CAST: variants seen among roughly 807,000 people sequenced by gnomAD.
CAST encodes the protein MIR583 host.
In CAST, 76 loss-of-function variants were observed where a neutral mutation model predicts 119.6. That is an observed-to-expected ratio of 0.64 (90% CI 0.53 to 0.77). The LOEUF (loss-of-function observed/expected upper bound fraction) is 0.77, where lower values mean the gene tolerates loss of function less well. CAST is among the 30% of genes least tolerant of loss of function. The pLI, the probability that CAST is intolerant of heterozygous loss-of-function variation, is 0.00. For synonymous variants in CAST, 319 were observed against 331.6 expected (o/e 0.96, Z 0.41); for missense variants, 953 against 946.5 (o/e 1.01, Z -0.09).
chr5:96,295,377 A>G, the CAST span, among the ~76,000 whole-genome samples: 4 of 152,328 alleles, frequency 2.6e-5, no homozygotes, highest in South Asian at 6.2e-4. Flanking sequence ...CTTTGAACCA[A>G]TGAAATCACT....
At chr5:96,005,642 A>G in the CAST span, among the ~76,000 whole-genome samples, 1 of 152,192 alleles carries the variant, frequency 6.6e-6, no homozygotes, top group African/African-American at 2.4e-5. Context: ...TACGTTGATT[A>G]AAAGTAAAAA....
chr5:96,034,186 A>T, the CAST span, among the ~76,000 whole-genome samples: 1 of 152,118 alleles, frequency 6.6e-6, no homozygotes, highest in African/African-American at 2.4e-5. Context: ...CAAATGACCA[A>T]CAGGTATATG....
At chr5:96,367,731 C>T in the CAST span, among the ~76,000 whole-genome samples, 7 of 152,040 alleles carry the variant, frequency 4.6e-5, no homozygotes, top group Non-Finnish European at 8.8e-5. Flanking sequence ...TCACAGCTTC[C>T]CTTGGCTAGG....
chr5:96,706,906 AC>A (rs1443363451), intron 3 of CAST, among the ~76,000 whole-genome samples: 1 of 152,136 alleles, frequency 6.6e-6, no homozygotes, highest in African/African-American at 2.4e-5. Context: ...CTGGGGCTCT[AC>A]GCAGTTTAAC....
At chr5:96,142,448 T>C in the CAST span, among the ~76,000 whole-genome samples, 1 of 152,162 alleles carries the variant, frequency 6.6e-6, no homozygotes, top group African/African-American at 2.4e-5. Flanking sequence ...TTTTAATTGT[T>C]TACATCGACT....
chr5:96,447,958 G>T, the CAST span, among the ~76,000 whole-genome samples: 1 of 151,444 alleles, frequency 6.6e-6, no homozygotes, highest in Non-Finnish European at 1.5e-5. Context: ...CTACATCAGT[G>T]ATTTTCAAAC....
chr5:96,745,767 T>C (rs1265069220), intron 16 of CAST, among the ~76,000 whole-genome samples: 1 of 152,176 alleles, frequency 6.6e-6, no homozygotes, highest in Admixed American at 6.5e-5. Flanking sequence ...AGAGAGTCCT[T>C]TTAAAAGAGG....
chr5:96,569,411 C>T lies in CAST; in HGVS notation c.60+39531C>T, dbSNP rs140782751. Among the ~76,000 whole-genome samples the T allele has an allele frequency of 2.6e-3, 402 of 152,262 alleles. 1 individual carries two copies. Among genetic ancestry groups the T allele is most frequent in the African/African-American group, 8.4e-3 (351 of 41,548 alleles). ...GAATAATTTATATATATTTTTAAAA[C>T]GAAAGTCTACTGGGAAACCCACTGA... is the stretch of plus-strand genomic sequence containing the variant. On this transcript the variant is annotated intron_variant, in intron 1 of 11. Coordinates refer to the CAST transcript ENST00000505143.
intron 9 of CAST, among the ~76,000 whole-genome samples, chr5:96,734,337 A>G (rs901143259): frequency 2.0e-5 from 3 of 152,290 alleles, no homozygotes; most frequent in Non-Finnish European, 2.9e-5. Flanking sequence ...GGGTGATGCA[A>G]TTGAATCCGA....
the CAST span, among the ~76,000 whole-genome samples, chr5:96,277,764 C>G: frequency 6.6e-6 from 1 of 150,404 alleles, no homozygotes; most frequent in African/African-American, 2.4e-5. Flanking sequence ...TTTTTTTTTC[C>G]CACCAGAAGT....
At chr5:96,740,699 GATTA>G in intron 12 of CAST, 42 bp from the exon 13 acceptor site, 1 of 1,434,590 alleles carries the variant, frequency 7.0e-7, no homozygotes, top group Non-Finnish European at 9.8e-7. Flanking sequence ...CGATCTTAAG[GATTA>G]ATTCTACCTT....
intron 1 of CAST, among the ~76,000 whole-genome samples, chr5:96,551,788 A>T (rs1238795161): frequency 2.0e-5 from 3 of 152,184 alleles, no homozygotes; most frequent in African/African-American, 4.8e-5. Context: ...AATAAAACAG[A>T]CTTTAACCCA....
intron 1 of CAST, among the ~76,000 whole-genome samples, chr5:96,569,885 C>T (rs925741793): frequency 2.0e-5 from 3 of 152,218 alleles, no homozygotes; most frequent in African/African-American, 4.8e-5. Context: ...GTAAACTATA[C>T]ATCTGATTCG....
At chr5:96,387,815 G>A in the CAST span, among the ~76,000 whole-genome samples, 1 of 152,144 alleles carries the variant, frequency 6.6e-6, no homozygotes, top group East Asian at 1.9e-4. Context: ...TAAGGCCAAA[G>A]GGTACTCTCC....
chr5:96,772,353 A>G (rs1404467696), intron 31 of CAST: 1 of 153,280 alleles, frequency 6.5e-6, no homozygotes, highest in Non-Finnish European at 1.5e-5. Context: ...ACAAGCACTT[A>G]CTGACCAAAG....
intron 1 of CAST, among the ~76,000 whole-genome samples, chr5:96,597,288 A>G (rs1166022351): frequency 6.6e-6 from 1 of 152,216 alleles, no homozygotes; most frequent in Non-Finnish European, 1.5e-5. Flanking sequence ...ATCTGCCCTA[A>G]AAAAGAAAAG....
chr5:96,590,548 C>G (rs1005425170), intron 1 of CAST, among the ~76,000 whole-genome samples: 3 of 152,164 alleles, frequency 2.0e-5, no homozygotes, highest in Admixed American at 1.3e-4. Context: ...GACACCATGT[C>G]CTAAATGTGC....
chr5:96,367,478 C>T, the CAST span, among the ~76,000 whole-genome samples: 22 of 151,196 alleles, frequency 1.5e-4, no homozygotes, highest in African/African-American at 3.4e-4. Flanking sequence ...CCACCCAGTT[C>T]GAGCTTCTGG....
chr5:96,374,738 A>C, the CAST span, among the ~76,000 whole-genome samples: 3 of 152,130 alleles, frequency 2.0e-5, no homozygotes, highest in African/African-American at 7.2e-5. Context: ...ATTCAGATGC[A>C]CCCCTACCAA....
Sources: allele counts gnomAD v4.1 joint callset (sites outside exome capture counted in the v4.1 genomes callset), GRCh38; gene constraint gnomAD v4.1.1; transcripts MANE v1.5; gene names NCBI Gene and HGNC (gene_info 2026-07-23, HGNC 2026-07-21).